Variants in EPHB2 observed in about 807,000 individuals in gnomAD.
The protein encoded by EPHB2 is ephrin type-B receptor 2.
EPHB2 carries 18 observed loss-of-function variants against 96.4 expected under a neutral mutation model. The ratio of observed to expected loss-of-function variants is 0.19; its 90% CI spans 0.13 to 0.28. The LOEUF is 0.28. Ranked by LOEUF, EPHB2 falls within the 10% of genes least tolerant of loss-of-function variation. The pLI is 1.00. For missense variants in EPHB2, 989 were observed against 1,355.4 expected, an observed-to-expected ratio of 0.73 and a Z score of 4.25; for synonymous variants, 506 against 534.1, an observed-to-expected ratio of 0.95 and a Z score of 0.72.
chr1:22,727,552 A>G (rs1643608185), intron 1 of EPHB2, among the ~76,000 whole-genome samples: 1 of 152,176 alleles, frequency 6.6e-6, no homozygotes, highest in Admixed American at 6.5e-5. Flanking sequence ...CAGAATATGC[A>G]GAGTGTCAGA....
At chr1:22,721,802 C>T (rs1034614175) in intron 1 of EPHB2, among the ~76,000 whole-genome samples, 4 of 148,698 alleles carry the variant, frequency 2.7e-5, no homozygotes, top group Middle Eastern at 3.6e-3. Context: ...TTTGTAGAGA[C>T]AGAGTCTTTC....
intron 3 of EPHB2, among the ~76,000 whole-genome samples, chr1:22,808,556 G>A (rs1251406842): frequency 1.3e-5 from 2 of 152,212 alleles, no homozygotes; most frequent in Non-Finnish European, 2.9e-5. Context: ...TCACCGCAGA[G>A]TCAAGTCCAA....
At position 22,822,194 on chromosome 1, in the gene EPHB2, A is replaced by C. The variant is rs142046981; in HGVS notation, c.811+37118A>C. 6.8e-3 allele frequency among the ~76,000 whole-genome samples: 1,042 copies of C among 152,286 alleles called. 15 individuals carry two copies. The highest frequency in any genetic ancestry group is 0.023 in the African/African-American group (959 of 41,558). ...CAAAATGGAGAAGGGTCAAAGGTGA[A>C]GGGATGAGCCGGGCTCAGTGGCTTA... On this transcript the variant is annotated intron_variant, in intron 3 of 15. Coordinates refer to ENST00000374630, the MANE Select transcript of EPHB2 (RefSeq NM_017449.5).
rs1320390127 is a variant in EPHB2, at chr1:22,915,714, C to T, written c.*2144C>T. On this transcript the variant is annotated 3_prime_UTR_variant, in exon 16 of 16. Coordinates refer to ENST00000374630, the MANE Select transcript of EPHB2 (RefSeq NM_017449.5). ...CTCATGTACCCCCAGGCACAGCCAA[C>T]TCTGGTTTTCTCTGTGCAAATGAGC... The T allele has an allele frequency of 2.0e-5, 3 of 152,282 alleles. No homozygotes were observed. Among genetic ancestry groups the T allele is most frequent in the Non-Finnish European group, 2.9e-5 (2 of 68,092 alleles). The allele number at this position is 152,282 out of a possible 1,614,324, so 9.4% of individuals were successfully genotyped here.
At chr1:22,753,855 G>A (rs558090473) in intron 1 of EPHB2, among the ~76,000 whole-genome samples, 10 of 152,202 alleles carry the variant, frequency 6.6e-5, no homozygotes, top group South Asian at 2.1e-4. Context: ...CCAGCTTCTC[G>A]GCGTAATGAG....
intron 1 of EPHB2, among the ~76,000 whole-genome samples, chr1:22,716,537 C>T (rs1043182953): frequency 6.6e-6 from 1 of 152,130 alleles, no homozygotes; most frequent in Admixed American, 6.5e-5. Flanking sequence ...CGGGGGTTCA[C>T]CATGTTGACC....
At chr1:22,824,257 G>C (rs1645192655) in intron 3 of EPHB2, among the ~76,000 whole-genome samples, 1 of 151,716 alleles carries the variant, frequency 6.6e-6, no homozygotes, top group African/African-American at 2.4e-5. Context: ...CTAACTGATG[G>C]ATGGGGGAAG....
At chr1:22,810,087 A>C (rs1354492118) in intron 3 of EPHB2, among the ~76,000 whole-genome samples, 1 of 152,146 alleles carries the variant, frequency 6.6e-6, no homozygotes, top group Non-Finnish European at 1.5e-5. Flanking sequence ...GTGCTAGGGA[A>C]GTGACCCGGA....
At chr1:22,759,299 C>A (rs1186417464) in intron 1 of EPHB2, among the ~76,000 whole-genome samples, 2 of 152,122 alleles carry the variant, frequency 1.3e-5, no homozygotes, top group African/African-American at 4.8e-5. Context: ...TGAGGCTCAC[C>A]TGTTTCCTTT....
At chr1:22,794,918 C>G (rs1049947420) in intron 3 of EPHB2, among the ~76,000 whole-genome samples, 2 of 152,208 alleles carry the variant, frequency 1.3e-5, no homozygotes, top group East Asian at 1.9e-4. Context: ...AAGAGAGGCC[C>G]GTTGATTGAG....
intron 7 of EPHB2, among the ~76,000 whole-genome samples, chr1:22,893,852 T>C (rs1291350409): frequency 6.6e-6 from 1 of 152,196 alleles, no homozygotes; most frequent in Non-Finnish European, 1.5e-5. Flanking sequence ...TAAGTCATAG[T>C]TTGTCATTGC....
intron 1 of EPHB2, among the ~76,000 whole-genome samples, chr1:22,737,023 G>A (rs957776824): frequency 2.6e-5 from 4 of 152,180 alleles, no homozygotes; most frequent in East Asian, 1.9e-4. Flanking sequence ...TCCAGCCATC[G>A]GCGTGACGAG....
Position 22,913,176 on chromosome 1 carries a change from G to C in EPHB2, c.2853-286G>C, listed in dbSNP as rs577945209. 3 of 482,854 alleles carry C rather than the reference G, an allele frequency of 6.2e-6. No individual in the cohort carries two copies. The highest frequency in any genetic ancestry group is 3.9e-5 in the African/African-American group (2 of 51,234). The allele number at this position is 482,854 out of a possible 1,614,324, so 29.9% of individuals were successfully genotyped here. On this transcript the variant is annotated intron_variant, in intron 15 of 15. Coordinates refer to ENST00000374630, the MANE Select transcript of EPHB2 (RefSeq NM_017449.5). The surrounding 1 kb of genome is among the most constrained non-coding windows in gnomAD (Gnocchi z 4.1). ...CCACTGCACACCAGCCTGGGTGACA[G>C]AGCGAGACTCTGTCTCGAAAAAGAA...
chr1:22,890,536 G>A (rs558591328), intron 6 of EPHB2, among the ~76,000 whole-genome samples: 1 of 152,162 alleles, frequency 6.6e-6, no homozygotes, highest in African/African-American at 2.4e-5. Flanking sequence ...ATCTTTGTCT[G>A]GGTGGTTCCT....
Position 22,810,846 on chromosome 1 carries a change from C to T in EPHB2, c.811+25770C>T, listed in dbSNP as rs150977885. ...CCAAGGCCGGGAAAGAAGTATAGTT[C>T]GAATGAGGGACTTTCAGGCACCCTA... On this transcript the variant is annotated intron_variant, in intron 3 of 15. Coordinates refer to ENST00000374630, the MANE Select transcript of EPHB2 (RefSeq NM_017449.5). Among the ~76,000 whole-genome samples the T allele has an allele frequency of 3.2e-3, 492 of 152,226 alleles. 1 individual carries two copies. Among genetic ancestry groups the T allele is most frequent in the African/African-American group, 0.011 (450 of 41,530 alleles).
Position 22,875,320 on chromosome 1 carries a change from A to G in EPHB2, c.1304-7039A>G, listed in dbSNP as rs920365104. On this transcript the variant is annotated intron_variant, in intron 5 of 15. Coordinates refer to ENST00000374630, the MANE Select transcript of EPHB2 (RefSeq NM_017449.5). This position sits in a 1 kb window ranked among gnomAD's most constrained non-coding sequence, Gnocchi z 4.2. ...CTGGGAATTCTAAGAGTCCCGTCCCAAGTAAACTGTCCCTGCTACAGACCC... is the reference window on the plus strand; with the variant it reads ...CTGGGAATTCTAAGAGTCCCGTCCCGAGTAAACTGTCCCTGCTACAGACCC... Among the ~76,000 whole-genome samples, 1 of 152,216 alleles carries G rather than the reference A, an allele frequency of 6.6e-6. No individual in the cohort carries two copies. Among genetic ancestry groups the G allele is most frequent in the African/African-American group, 2.4e-5 (1 of 41,460 alleles).
At chr1:22,711,867 TC>T (rs1371488938) in intron 1 of EPHB2, among the ~76,000 whole-genome samples, 3 of 152,094 alleles carry the variant, frequency 2.0e-5, no homozygotes, top group Non-Finnish European at 4.4e-5. Context: ...TTGGTACCAC[TC>T]GACCCCCAGG....
chr1:22,722,424 G>T (rs1283287741), intron 1 of EPHB2, among the ~76,000 whole-genome samples: 5 of 152,236 alleles, frequency 3.3e-5, no homozygotes, highest in Non-Finnish European at 7.3e-5. Context: ...TTGGGGTAAA[G>T]AAATAGCAAG....
At chr1:22,881,515 C>A (rs939714260) in intron 5 of EPHB2, among the ~76,000 whole-genome samples, 7 of 152,152 alleles carry the variant, frequency 4.6e-5, no homozygotes, top group Non-Finnish European at 1.5e-5. Flanking sequence ...TGTGTTCATG[C>A]CACTGCACTC....
Sources: allele counts gnomAD v4.1 joint callset (sites outside exome capture counted in the v4.1 genomes callset), GRCh38; gene constraint gnomAD v4.1.1; non-coding constraint Gnocchi (gnomAD v3.1); transcripts MANE v1.5; gene names NCBI Gene and HGNC (gene_info 2026-07-23, HGNC 2026-07-21).